Variants in NALCN observed in about 807,000 individuals in gnomAD.
NALCN encodes the protein sodium leak channel, non-selective.
NALCN carries 111 observed loss-of-function variants against 225.3 expected under a neutral mutation model. The ratio of observed to expected loss-of-function variants is 0.49; its 90% confidence interval spans 0.42 to 0.58. The LOEUF (loss-of-function observed/expected upper bound fraction) is 0.58. NALCN is among the 20% of genes least tolerant of loss of function. The pLI, the probability that NALCN is intolerant of heterozygous loss-of-function variation, is 0.00. For synonymous variants in NALCN, 764 were observed against 769.0 expected (o/e 0.99, Z 0.11); for missense variants, 1,378 against 2,202.4 (o/e 0.63, Z 7.49).
At chr13:101,116,961 A>T in intron 18 of NALCN, 1 of 516,820 alleles carries the variant, frequency 1.9e-6, no homozygotes, top group South Asian at 1.4e-5. Flanking sequence ...CCAAGTAGAG[A>T]CAACAGCGGA....
intron 13 of NALCN, among the ~76,000 whole-genome samples, chr13:101,218,549 G>C (rs983625059): frequency 3.3e-5 from 5 of 152,036 alleles, no homozygotes; most frequent in African/African-American, 1.2e-4. Flanking sequence ...CAAATCTCAT[G>C]TTCAATTGTA....
chr13:101,398,314 T>C (rs2047373268), intron 2 of NALCN, among the ~76,000 whole-genome samples: 10 of 152,004 alleles, frequency 6.6e-5, no homozygotes, highest in Admixed American at 6.6e-4. Flanking sequence ...TGTATCATGG[T>C]TGGGGGAAGG....
intron 13 of NALCN, among the ~76,000 whole-genome samples, chr13:101,206,915 C>T (rs993579899): frequency 1.3e-5 from 2 of 151,970 alleles, no homozygotes; most frequent in African/African-American, 4.8e-5. Flanking sequence ...TCATGACTTA[C>T]ATCACTAATT....
chr13:101,150,633 G>A (rs574076631), intron 15 of NALCN, among the ~76,000 whole-genome samples: 4 of 152,162 alleles, frequency 2.6e-5, no homozygotes, highest in Non-Finnish European at 1.5e-5. Flanking sequence ...TCTTTAAAAT[G>A]TAATGAAATG....
At chr13:101,113,447 A>C (rs768366923) in intron 18 of NALCN, among the ~76,000 whole-genome samples, 2 of 152,184 alleles carry the variant, frequency 1.3e-5, no homozygotes, top group Non-Finnish European at 2.9e-5. Context: ...TCATGTAAGA[A>C]ATTTTGCTAT....
chr13:101,067,579 T>G (rs1177461691), intron 39 of NALCN, among the ~76,000 whole-genome samples: 1 of 152,244 alleles, frequency 6.6e-6, no homozygotes, highest in African/African-American at 2.4e-5. Flanking sequence ...GAGGTGATCA[T>G]GAATTTGTAA....
intron 42 of NALCN, 123 bp downstream of exon 42, chr13:101,059,695 T>G: frequency 1.3e-6 from 1 of 798,776 alleles, no homozygotes; most frequent in Non-Finnish European, 1.8e-6. Flanking sequence ...TTAATGAAAA[T>G]ATTCCTATTA....
intron 17 of NALCN, among the ~76,000 whole-genome samples, chr13:101,126,728 T>G (rs2036252869): frequency 6.6e-6 from 1 of 152,076 alleles, no homozygotes; most frequent in Non-Finnish European, 1.5e-5. Flanking sequence ...CCTGACCTTG[T>G]GATCCACCTG....
chr13:101,130,725 G>T (rs1331749306), intron 17 of NALCN, among the ~76,000 whole-genome samples: 1 of 152,080 alleles, frequency 6.6e-6, no homozygotes, highest in Non-Finnish European at 1.5e-5. Flanking sequence ...ATAATCTAAC[G>T]TTCTTTCCTT....
Position 101,059,843 on chromosome 13 carries a change from C to A in NALCN, c.4880G>T (p.Ser1627Ile), listed in dbSNP as rs1566767418. Residue 1627 changes from serine to isoleucine, a missense_variant, in exon 42 of 44, where the codon AGT becomes ATT. Transcript: ENST00000251127. ...TQPSEDTNAN[S>I]QDNSMQPETS... ...CTCAGGTTGCATGCTGTTGTCCTGA[C>A]TGTTGGCATTCGTGTCCTCACTGGG... 4 of 1,614,098 alleles carry A rather than the reference C, an allele frequency of 2.5e-6. No homozygotes were observed. The highest frequency in any genetic ancestry group is 3.4e-6 in the Non-Finnish European group (4 of 1,180,036).
At chr13:101,163,134 C>T (rs1311177581) in intron 15 of NALCN, among the ~76,000 whole-genome samples, 1 of 152,098 alleles carries the variant, frequency 6.6e-6, no homozygotes, top group Non-Finnish European at 1.5e-5. Flanking sequence ...AACTCCTGAC[C>T]ACAGGTGATC....
chr13:101,157,129 A>T (rs1019917959), intron 15 of NALCN, among the ~76,000 whole-genome samples: 1 of 152,242 alleles, frequency 6.6e-6, no homozygotes, highest in African/African-American at 2.4e-5. Context: ...CCTGAGTACA[A>T]GTTATCAAGG....
In NALCN at chr13:101,188,200, G is replaced by A. The variant is rs369190020; in HGVS notation, c.1764+3717C>T. Among the ~76,000 whole-genome samples the A allele has an allele frequency of 2.6e-5, 4 of 152,168 alleles. No homozygotes were observed. In the South Asian group the frequency reaches 6.2e-4, roughly 24 times the overall value. ...ATTCACAGTCCGCGGAGTACCATAC[G>A]GCTCTCTATAACAATGACCAAATTA... On this transcript the variant is annotated intron_variant, in intron 14 of 43. Coordinates refer to ENST00000251127, the MANE Select transcript of NALCN (RefSeq NM_052867.4).
At chr13:101,228,265 T>G (rs1594480799) in intron 13 of NALCN, among the ~76,000 whole-genome samples, 2 of 152,276 alleles carry the variant, frequency 1.3e-5, no homozygotes, top group South Asian at 4.1e-4. Flanking sequence ...ATCCCTAAAA[T>G]AAAGCTAAGC....
intron 13 of NALCN, among the ~76,000 whole-genome samples, chr13:101,215,711 T>C (rs1308201968): frequency 2.6e-5 from 4 of 151,788 alleles, no homozygotes; most frequent in African/African-American, 9.7e-5. Flanking sequence ...AATTTATTTA[T>C]TAATTTATTA....
chr13:101,291,894 C>T (rs2043566928), intron 9 of NALCN, 96 bp downstream of exon 9: 1 of 1,190,622 alleles, frequency 8.4e-7, no homozygotes, highest in East Asian at 2.5e-5. Flanking sequence ...ACTATAGAAG[C>T]CCATCATGCA....
chr13:101,302,091 A>C (rs1026368949), intron 7 of NALCN, among the ~76,000 whole-genome samples: 23 of 152,234 alleles, frequency 1.5e-4, no homozygotes, highest in African/African-American at 4.6e-4. Flanking sequence ...AAGTTCGCAT[A>C]ATGTTAAGAT....
intron 18 of NALCN, among the ~76,000 whole-genome samples, chr13:101,120,674 G>C (rs147035520): frequency 1.3e-5 from 2 of 152,238 alleles, no homozygotes; most frequent in Admixed American, 6.5e-5. Flanking sequence ...TCTTCTCTTA[G>C]ATCACCCAAG....
intron 7 of NALCN, among the ~76,000 whole-genome samples, chr13:101,334,375 T>A (rs1256140073): frequency 1.4e-5 from 1 of 72,874 alleles, no homozygotes; most frequent in Non-Finnish European, 2.5e-5. Flanking sequence ...GGGGGAGCGG[T>A]AGGAGAGAGG....
Sources: allele counts gnomAD v4.1 joint callset (sites outside exome capture counted in the v4.1 genomes callset), GRCh38; gene constraint gnomAD v4.1.1; transcripts MANE v1.5; gene names NCBI Gene and HGNC (gene_info 2026-07-23, HGNC 2026-07-21).